The following DNAAF5 variants were observed in gnomAD, a reference collection of about 807,000 sequenced individuals.
DNAAF5 encodes dynein axonemal assembly factor 5.
In DNAAF5, 64 loss-of-function variants were observed where a neutral mutation model predicts 75.8. The observed-to-expected ratio is 0.84, with a 90% CI of 0.69 to 1.04. The LOEUF (loss-of-function observed/expected upper bound fraction) is 1.04, where lower values mean the gene tolerates loss of function less well. Ranked by LOEUF, DNAAF5 falls within the 50% of genes least tolerant of loss-of-function variation. The pLI is 0.00. For synonymous variants in DNAAF5, 657 were observed against 557.2 expected, an observed-to-expected ratio of 1.18 and a Z score of -2.52; for missense variants, 1,269 against 1,178.5, an observed-to-expected ratio of 1.08 and a Z score of -1.12.
At chr7:775,284 T>A in intron 11 of DNAAF5, 122 bp downstream of exon 11, 1 of 880,436 alleles carries the variant, frequency 1.1e-6, no homozygotes, top group Non-Finnish European at 1.8e-6. Context: ...CTGGGTGTGG[T>A]GGTTCACACC....
chr7:769,259 G>T, intron 8 of DNAAF5: 3 of 725,046 alleles, frequency 4.1e-6, no homozygotes, highest in Non-Finnish European at 7.7e-6. Context: ...CACTGGCCCG[G>T]GGCCAGAGCG....
At chr7:742,940 C>T (rs901382126) in intron 4 of DNAAF5, among the ~76,000 whole-genome samples, 1 of 152,232 alleles carries the variant, frequency 6.6e-6, no homozygotes, top group Admixed American at 6.5e-5. Flanking sequence ...GATGCACAGC[C>T]CAAATCAGAT....
chr7:767,406 A>G (rs1479987033), intron 8 of DNAAF5, among the ~76,000 whole-genome samples: 1 of 152,200 alleles, frequency 6.6e-6, no homozygotes, highest in Non-Finnish European at 1.5e-5. Flanking sequence ...TCATCCAGCA[A>G]TCACATTCAT....
intron 2 of DNAAF5, among the ~76,000 whole-genome samples, chr7:735,809 C>G (rs1474005535): frequency 6.6e-6 from 1 of 151,782 alleles, no homozygotes; most frequent in Non-Finnish European, 1.5e-5. Context: ...TTCTTGTCTT[C>G]TACTAATTTT....
Position 770,397 on chromosome 7 carries a change from C to T in DNAAF5, c.1784-74C>T. On this transcript the variant is annotated intron_variant, in intron 8 of 12. Coordinates refer to ENST00000297440, the MANE Select transcript of DNAAF5 (RefSeq NM_017802.4). ...CTCTCCCAGGTGGGAGCGCCTGAGCCTGGGCCTGTGCTGGATGGGGCCTCC... is the reference window on the plus strand; with the variant it reads ...CTCTCCCAGGTGGGAGCGCCTGAGCTTGGGCCTGTGCTGGATGGGGCCTCC... 2.0e-6 allele frequency: 3 copies of T among 1,467,180 alleles called. No homozygotes were observed. In the South Asian group the frequency reaches 3.9e-5, roughly 19 times the overall value. 90.9% of individuals were successfully genotyped at this position (1,467,180 alleles called of 1,614,324 possible).
chr7:781,254 C>T (rs965812455), intron 12 of DNAAF5, among the ~76,000 whole-genome samples: 2 of 152,182 alleles, frequency 1.3e-5, no homozygotes, highest in Admixed American at 1.3e-4. Context: ...ATTTTTAGTT[C>T]CCACAAATGA....
chr7:741,083 A>T, intron 3 of DNAAF5, 140 bp downstream of exon 3: 3 of 1,057,986 alleles, frequency 2.8e-6, no homozygotes, highest in Non-Finnish European at 4.1e-6. Context: ...TGCCGTACAG[A>T]AGTCGTCTCG....
intron 4 of DNAAF5, among the ~76,000 whole-genome samples, chr7:746,027 A>G (rs960337812): frequency 6.6e-6 from 1 of 152,230 alleles, no homozygotes; most frequent in Non-Finnish European, 1.5e-5. Context: ...CATAAGCACT[A>G]CGTTGTGTTA....
chr7:740,435 C>T (rs1781867942), intron 2 of DNAAF5, among the ~76,000 whole-genome samples: 1 of 152,226 alleles, frequency 6.6e-6, no homozygotes. Flanking sequence ...TGAGACAGGC[C>T]CAGCCCGGCC....
chr7:740,132 G>A (rs1039969382), intron 2 of DNAAF5, among the ~76,000 whole-genome samples: 1 of 152,164 alleles, frequency 6.6e-6, no homozygotes, highest in African/African-American at 2.4e-5. Context: ...TCCTCACCTG[G>A]CTTCTTCCTG....
At chr7:753,561 G>C (rs570914406) in intron 4 of DNAAF5, among the ~76,000 whole-genome samples, 1 of 151,882 alleles carries the variant, frequency 6.6e-6, no homozygotes, top group Non-Finnish European at 1.5e-5. Context: ...GGCTTCGAAG[G>C]CATGTCTCTC....
intron 4 of DNAAF5, among the ~76,000 whole-genome samples, chr7:753,726 G>A (rs1384132066): frequency 2.0e-5 from 3 of 149,036 alleles, no homozygotes; most frequent in African/African-American, 7.5e-5. Context: ...ATATGGGGAC[G>A]GCTTCGCAGG....
intron 4 of DNAAF5, among the ~76,000 whole-genome samples, chr7:747,682 CTGGTG>C (rs1782168643): frequency 7.9e-6 from 1 of 127,262 alleles, no homozygotes; most frequent in African/African-American, 3.0e-5. Flanking sequence ...GTGTGTCCGG[CTGGTG>C]TGCAGTGGTG....
intron 1 of DNAAF5, among the ~76,000 whole-genome samples, chr7:729,214 G>C (rs1781478338): frequency 6.6e-6 from 1 of 152,176 alleles, no homozygotes; most frequent in Non-Finnish European, 1.5e-5. Flanking sequence ...GCCTGGAGTG[G>C]TGCTGGCCCA....
chr7:779,993 G>T lies in DNAAF5; in HGVS notation c.2280G>T (p.Arg760Ser). ...KRLDDVSNDVRMAAASTLVTW... is the reference protein window; with the variant it reads ...KRLDDVSNDVSMAAASTLVTW... ...TAGATGACGTGTCCAACGATGTGAG[G>T]ATGGCAGCCGCCTCCACCTTGGTCA... is the stretch of plus-strand genomic sequence containing the variant. The change falls in exon 12 of 13, where the codon AGG becomes AGT. Residue 760 changes from arginine (R) to serine (S), a missense_variant. By Grantham distance (110) the Arg-to-Ser change is moderately radical (BLOSUM62 -1). Coordinates refer to ENST00000297440, the MANE Select transcript of DNAAF5 (RefSeq NM_017802.4). 1 of 1,614,234 alleles carries T rather than the reference G, an allele frequency of 6.2e-7. No homozygotes were observed. The highest frequency in any genetic ancestry group is 1.1e-5 in the South Asian group (1 of 91,070).
chr7:750,195 G>C (rs115838275), intron 4 of DNAAF5, among the ~76,000 whole-genome samples: 66 of 152,324 alleles, frequency 4.3e-4, no homozygotes, highest in African/African-American at 1.6e-3. Context: ...TGCGTGTTGA[G>C]TGCAGTCACC....
chr7:775,199 C>CA, intron 11 of DNAAF5, 37 bp downstream of exon 11: 1 of 1,597,434 alleles, frequency 6.3e-7, no homozygotes, highest in South Asian at 1.1e-5. Flanking sequence ...TGTGTATATG[C>CA]AGTCAGCCCT....
At chr7:741,658 G>A (rs976198079) in intron 4 of DNAAF5, among the ~76,000 whole-genome samples, 193 bp downstream of exon 4, 6 of 152,192 alleles carry the variant, frequency 3.9e-5, no homozygotes, top group Non-Finnish European at 5.9e-5. Context: ...TCAGCATCTG[G>A]AGAGCCCCCA....
intron 2 of DNAAF5, among the ~76,000 whole-genome samples, chr7:739,105 C>T (rs1280717866): frequency 5.5e-5 from 3 of 54,258 alleles, no homozygotes; most frequent in Admixed American, 2.3e-4. Flanking sequence ...CCCTCTGCCC[C>T]ATCACTGTAT....
Sources: gnomAD v4.1 joint callset for allele counts (sites outside exome capture counted in the v4.1 genomes callset) on GRCh38, gnomAD v4.1.1 for gene constraint, MANE v1.5 for transcripts, NCBI Gene and HGNC (gene_info 2026-07-23, HGNC 2026-07-21) for gene names.